The following PPP2R2B variants were observed in gnomAD, a reference collection of about 807,000 sequenced individuals.
PPP2R2B encodes serine/threonine-protein phosphatase 2A 55 kDa regulatory subunit B beta isoform.
Under a neutral mutation model 46.0 loss-of-function variants are expected in PPP2R2B, and 5 were observed. That is an observed-to-expected ratio of 0.11 (90% CI 0.06 to 0.23). The LOEUF (loss-of-function observed/expected upper bound fraction) is 0.23, where lower values mean the gene tolerates loss of function less well. Among genes scored for constraint, PPP2R2B ranks in the 10% least tolerant of loss-of-function variants. The pLI, the probability that PPP2R2B is intolerant of heterozygous loss-of-function variation, is 1.00. For synonymous variants in PPP2R2B, 215 were observed against 206.7 expected (o/e 1.04, Z -0.34); for missense variants, 367 against 575.0 (o/e 0.64, Z 3.70).
chr5:146,621,608 T>G (rs1773706193), intron 7 of PPP2R2B, among the ~76,000 whole-genome samples: 1 of 151,670 alleles, frequency 6.6e-6, no homozygotes, highest in Non-Finnish European at 1.5e-5. Context: ...TTAACCAGAG[T>G]GGAGCCATCT....
At chr5:146,687,101 GGAGAGGGAGA>G (rs2151146270) in intron 5 of PPP2R2B, among the ~76,000 whole-genome samples, 2 of 151,450 alleles carry the variant, frequency 1.3e-5, no homozygotes, top group African/African-American at 4.9e-5. Flanking sequence ...AGGAAGAGAG[GGAGAGGGAGA>G]GAGAGGGAGC....
intron 1 of PPP2R2B, among the ~76,000 whole-genome samples, chr5:146,925,275 G>C (rs1763745032): frequency 6.6e-6 from 1 of 152,128 alleles, no homozygotes; most frequent in African/African-American, 2.4e-5. Flanking sequence ...CTATCATAGA[G>C]TACCATTTCC....
chr5:146,761,501 C>A (rs567702484), intron 2 of PPP2R2B, among the ~76,000 whole-genome samples: 5 of 152,080 alleles, frequency 3.3e-5, no homozygotes, highest in Non-Finnish European at 7.3e-5. Context: ...ACATCACACA[C>A]TGGGGACTGT....
At chr5:147,025,179 C>T (rs920490463) in intron 1 of PPP2R2B, among the ~76,000 whole-genome samples, 2 of 151,924 alleles carry the variant, frequency 1.3e-5, no homozygotes, top group African/African-American at 4.8e-5. Context: ...TTTTCCAGTT[C>T]AGAGGAAATA....
chr5:146,600,167 A>T, intron 8 of PPP2R2B, 124 bp downstream of exon 8: 1 of 1,000,090 alleles, frequency 1.0e-6, no homozygotes, highest in Non-Finnish European at 1.5e-6. Flanking sequence ...GTACCATTTT[A>T]CTGAATGTAT....
chr5:146,794,231 C>T (rs1457724626), intron 2 of PPP2R2B, among the ~76,000 whole-genome samples: 1 of 152,130 alleles, frequency 6.6e-6, no homozygotes, highest in Non-Finnish European at 1.5e-5. Context: ...GGTCTTCAGT[C>T]TTCTTTTGTC....
intron 2 of PPP2R2B, among the ~76,000 whole-genome samples, chr5:146,781,183 T>G (rs73793274): frequency 0.011 from 1,402 of 122,248 alleles, 39 homozygotes; most frequent in African/African-American, 0.04. Flanking sequence ...TATAAAATTA[T>G]TCTCATGATA....
intron 2 of PPP2R2B, among the ~76,000 whole-genome samples, chr5:146,831,113 CTA>C (rs1381926687): frequency 6.6e-6 from 1 of 152,056 alleles, no homozygotes; most frequent in Non-Finnish European, 1.5e-5. Context: ...TAATAAATGA[CTA>C]TGTTACTCGT....
rs142331169 is a variant in PPP2R2B, at chr5:146,960,450, C to T, written c.79+95215G>A. On this transcript the variant is annotated intron_variant, in intron 1 of 8. Coordinates refer to the PPP2R2B transcript ENST00000336640. Reference sequence around the variant, plus strand: ...GGTTACAGGCGCAGGCCACCACGCCCGGCTAATTTTTGTATTTTTAGTAGA... The same window carrying T: ...GGTTACAGGCGCAGGCCACCACGCCTGGCTAATTTTTGTATTTTTAGTAGA... Among the ~76,000 whole-genome samples, 1,128 of 152,146 alleles carry T rather than the reference C, an allele frequency of 7.4e-3. 12 individuals carry two copies. Among genetic ancestry groups the T allele is most frequent in the African/African-American group, 0.026 (1,077 of 41,500 alleles).
At position 146,930,958 on chromosome 5, in the gene PPP2R2B, A is replaced by G. The variant is rs866505128; in HGVS notation, c.79+124707T>C. 5.3e-5 allele frequency among the ~76,000 whole-genome samples: 8 copies of G among 152,278 alleles called. 1 individual carries two copies. In the South Asian group the frequency reaches 1.7e-3, roughly 32 times the overall value. On this transcript the variant is annotated intron_variant, in intron 1 of 8. Transcript: ENST00000336640. ...ACTTGCAAAAGCTTAATTGCTCACC[A>G]TATTATAATAAAGATCCCCTCACGT...
intron 2 of PPP2R2B, 33 bp downstream of exon 2, chr5:146,877,969 C>A: frequency 6.2e-7 from 1 of 1,604,424 alleles, no homozygotes; most frequent in Non-Finnish European, 8.5e-7. Flanking sequence ...TGCGCCCGGC[C>A]CCAACGGCGG....
intron 2 of PPP2R2B, among the ~76,000 whole-genome samples, chr5:147,072,475 C>A (rs924759049): frequency 2.0e-5 from 3 of 152,164 alleles, no homozygotes; most frequent in African/African-American, 7.2e-5. Flanking sequence ...GGTTACTTTC[C>A]AAGATTACTC....
intron 1 of PPP2R2B, among the ~76,000 whole-genome samples, chr5:146,992,561 C>T (rs1432167928): frequency 6.6e-6 from 1 of 152,164 alleles, no homozygotes; most frequent in African/African-American, 2.4e-5. Flanking sequence ...TCCATTAGGC[C>T]TCTTATACCC....
rs1055542122 is a variant in PPP2R2B at position 146,624,050 on chromosome 5, A to G, written c.790+14201T>C. Among the ~76,000 whole-genome samples the G allele has an allele frequency of 2.3e-4, 35 of 152,266 alleles. 1 individual carries two copies. The highest frequency in any genetic ancestry group is 7.9e-4 in the African/African-American group (33 of 41,560). On this transcript the variant is annotated intron_variant, in intron 7 of 9. Coordinates refer to ENST00000394411, the MANE Select transcript of PPP2R2B (RefSeq NM_181675.4). ...GCAAGTCGTGAGGATGGTTGTATTC[A>G]TTATATGATGTAAGAAAAAAAACCA...
At chr5:146,731,175 A>G (rs1015864251) in intron 2 of PPP2R2B, among the ~76,000 whole-genome samples, 2 of 152,216 alleles carry the variant, frequency 1.3e-5, no homozygotes, top group Admixed American at 6.5e-5. Flanking sequence ...TGTGACAAAG[A>G]CATCCCTGAC....
At chr5:146,781,590 A>G (rs577901032) in intron 2 of PPP2R2B, among the ~76,000 whole-genome samples, 15 of 152,154 alleles carry the variant, frequency 9.9e-5, no homozygotes, top group Admixed American at 2.6e-4. Flanking sequence ...TGAAAACAGA[A>G]CATAAGAGAT....
At chr5:146,874,824 GAAAAAAAAA>G (rs148671641) in intron 2 of PPP2R2B, among the ~76,000 whole-genome samples, 1 of 149,304 alleles carries the variant, frequency 6.7e-6, no homozygotes, top group East Asian at 2.0e-4. Context: ...TTCCATATCT[GAAAAAAAAA>G]ATCAAACCAT....
intron 7 of PPP2R2B, among the ~76,000 whole-genome samples, chr5:146,632,117 T>C (rs990397655): frequency 8.2e-6 from 1 of 122,128 alleles, no homozygotes; most frequent in African/African-American, 3.1e-5. Context: ...CTGCAAAATA[T>C]AACTGTATTT....
At chr5:147,056,323 A>G (rs903255957), upstream of PPP2R2B, among the ~76,000 whole-genome samples, 6 of 152,158 alleles carry the variant, frequency 3.9e-5, no homozygotes, top group South Asian at 2.1e-4. Context: ...ATCTAGATTT[A>G]GTTCTATTTT....
Sources: allele counts gnomAD v4.1 joint callset (sites outside exome capture counted in the v4.1 genomes callset), GRCh38; gene constraint gnomAD v4.1.1; transcripts MANE v1.5; gene names NCBI Gene and HGNC (gene_info 2026-07-23, HGNC 2026-07-21).